The following ME3 variants were observed in gnomAD, a reference collection of about 807,000 sequenced individuals.
The protein encoded by ME3 is malic enzyme 3, also known as NADP-dependent malic enzyme, mitochondrial.
A neutral mutation model predicts 68.9 loss-of-function variants in ME3; 48 were observed. That is an observed-to-expected ratio of 0.70 (90% CI 0.55 to 0.89). The LOEUF is 0.89. ME3 is among the 40% of genes least tolerant of loss of function. The pLI is 0.00. For synonymous variants in ME3, 320 were observed against 318.8 expected (o/e 1.00, Z -0.04); for missense variants, 675 against 797.4 (o/e 0.85, Z 1.85).
chr11:86,631,689 G>C (rs1282620905), intron 2 of ME3, among the ~76,000 whole-genome samples: 2 of 152,124 alleles, frequency 1.3e-5, no homozygotes, highest in Non-Finnish European at 2.9e-5. Context: ...ATAATAACAG[G>C]CATGGCACAT....
intron 4 of ME3, among the ~76,000 whole-genome samples, chr11:86,548,125 C>T (rs1179447675): frequency 1.3e-5 from 2 of 152,212 alleles, no homozygotes; most frequent in Non-Finnish European, 2.9e-5. Flanking sequence ...CCAGAGCAAG[C>T]TGCTCCTTCT....
chr11:86,540,176 C>T (rs565252908), intron 4 of ME3, among the ~76,000 whole-genome samples: 1 of 152,282 alleles, frequency 6.6e-6, no homozygotes, highest in South Asian at 2.1e-4. Flanking sequence ...ATAGAGGCCC[C>T]GAGTTCTGGA....
intron 2 of ME3, among the ~76,000 whole-genome samples, chr11:86,669,737 G>A (rs552995936): frequency 6.6e-6 from 1 of 152,178 alleles, no homozygotes; most frequent in East Asian, 1.9e-4. Flanking sequence ...CTTATTTATA[G>A]TACTTGGGAG....
intron 8 of ME3, among the ~76,000 whole-genome samples, chr11:86,454,772 A>G (rs6592296): frequency 0.7 from 106,406 of 152,186 alleles, 37,542 homozygotes; most frequent in South Asian, 0.82. Context: ...TAAATAGTAT[A>G]CATTTATCAC....
chr11:86,613,149 G>A lies in ME3; in HGVS notation c.184-53326C>T, dbSNP rs559474307. On this transcript the variant is annotated intron_variant, in intron 2 of 14. Coordinates refer to ENST00000543262, the Ensembl canonical transcript of ME3. ...ATGGCTAGCCAGTTTTCCCAGCACC[G>A]TTTACTAAATAGGAGACCCTTTCCC... Among the ~76,000 whole-genome samples, 10 of 152,186 alleles carry A rather than the reference G, an allele frequency of 6.6e-5. 1 individual carries two copies. Among genetic ancestry groups the A allele is most frequent in the East Asian group, 1.9e-4 (1 of 5,184 alleles).
chr11:86,634,864 A>G (rs1441506904), intron 2 of ME3, among the ~76,000 whole-genome samples: 4 of 152,236 alleles, frequency 2.6e-5, no homozygotes, highest in Non-Finnish European at 5.9e-5. Flanking sequence ...ATAGAAGTTA[A>G]TTTAAACAGG....
At position 86,470,925 on chromosome 11, in the gene ME3, GT is replaced by G. The variant is rs544852104; in HGVS notation, c.810-5726del. Among the ~76,000 whole-genome samples, 203 of 152,202 alleles carry G rather than the reference GT, an allele frequency of 1.3e-3. No homozygotes were observed. In the Middle Eastern group the frequency reaches 0.014, roughly 10 times the overall value. Reference sequence around the variant, plus strand: ...TAAGAGGGCTTCCACTGCCTGTGGGGTTATATCCAAATTCCTTAGGTAGTGT... The same window carrying G: ...TAAGAGGGCTTCCACTGCCTGTGGGGTATATCCAAATTCCTTAGGTAGTGT... On this transcript the variant is annotated intron_variant, in intron 7 of 14. Transcript: ENST00000543262.
chr11:86,591,677 G>A (rs1383075884), intron 2 of ME3, among the ~76,000 whole-genome samples: 1 of 152,154 alleles, frequency 6.6e-6, no homozygotes, highest in African/African-American at 2.4e-5. Context: ...CCACATGGCT[G>A]GGGAGGCCTC....
At chr11:86,500,547 G>A (rs1305588699) in intron 5 of ME3, among the ~76,000 whole-genome samples, 1 of 152,172 alleles carries the variant, frequency 6.6e-6, no homozygotes, top group Non-Finnish European at 1.5e-5. Flanking sequence ...TGTGTCAAAA[G>A]CCCATTTTCA....
intron 6 of ME3, among the ~76,000 whole-genome samples, chr11:86,495,741 C>T (rs972897590): frequency 6.6e-6 from 1 of 152,172 alleles, no homozygotes; most frequent in Non-Finnish European, 1.5e-5. Flanking sequence ...TATCTAACCT[C>T]CTGTCTCCTG....
At chr11:86,564,144 C>T (rs1957366137) in intron 2 of ME3, among the ~76,000 whole-genome samples, 1 of 151,996 alleles carries the variant, frequency 6.6e-6, no homozygotes, top group African/African-American at 2.4e-5. Context: ...TGTAGTTCTC[C>T]TTGTAGAGAT....
chr11:86,472,468 G>A (rs1950838346), intron 7 of ME3, among the ~76,000 whole-genome samples: 1 of 152,172 alleles, frequency 6.6e-6, no homozygotes, highest in South Asian at 2.1e-4. Context: ...TGAAGTCCTG[G>A]TATTAATATA....
chr11:86,671,652 A>T (rs772244012), intron 2 of ME3, 110 bp downstream of exon 2: 60 of 1,388,790 alleles, frequency 4.3e-5, no homozygotes, highest in Non-Finnish European at 2.8e-5. Flanking sequence ...AAACAGAAAA[A>T]CCGCTGGAAG....
At chr11:86,659,866 G>T (rs1946163632) in intron 2 of ME3, among the ~76,000 whole-genome samples, 1 of 152,092 alleles carries the variant, frequency 6.6e-6, no homozygotes, top group South Asian at 2.1e-4. Flanking sequence ...ATGGATGGAT[G>T]GACCAATCAA....
chr11:86,665,497 G>A (rs1319768676), intron 2 of ME3, among the ~76,000 whole-genome samples: 1 of 152,126 alleles, frequency 6.6e-6, no homozygotes, highest in Non-Finnish European at 1.5e-5. Context: ...AATGGGGTTG[G>A]GGCAGTGAGT....
chr11:86,571,006 A>C (rs367742210), intron 2 of ME3, among the ~76,000 whole-genome samples: 1 of 152,200 alleles, frequency 6.6e-6, no homozygotes, highest in Non-Finnish European at 1.5e-5. Flanking sequence ...AGAATGTTAA[A>C]ATTTCTGTGA....
At chr11:86,557,035 C>T (rs1185925436) in intron 3 of ME3, among the ~76,000 whole-genome samples, 1 of 152,206 alleles carries the variant, frequency 6.6e-6, no homozygotes, top group Non-Finnish European at 1.5e-5. Flanking sequence ...CCCCAATTCT[C>T]ATGGCGTGTG....
intron 2 of ME3, among the ~76,000 whole-genome samples, chr11:86,597,116 G>C (rs186963771): frequency 2.0e-5 from 3 of 152,212 alleles, no homozygotes; most frequent in Non-Finnish European, 4.4e-5. Context: ...GTAATAACAG[G>C]TAACAGGGTC....
At chr11:86,565,055 A>C (rs1324728047) in intron 2 of ME3, among the ~76,000 whole-genome samples, 4 of 152,228 alleles carry the variant, frequency 2.6e-5, no homozygotes, top group Non-Finnish European at 5.9e-5. Context: ...ATTTCTCTAA[A>C]GAAGATAAAC....
Sources: gnomAD v4.1 joint callset for allele counts (sites outside exome capture counted in the v4.1 genomes callset) on GRCh38, gnomAD v4.1.1 for gene constraint, MANE v1.5 for transcripts, NCBI Gene and HGNC (gene_info 2026-07-23, HGNC 2026-07-21) for gene names.